The following MARK3 variants were observed in gnomAD, a reference collection of about 807,000 sequenced individuals.
The protein encoded by MARK3 is microtubule affinity regulating kinase 3.
A neutral mutation model predicts 90.1 loss-of-function variants in MARK3; 46 were observed. That is an observed-to-expected ratio of 0.51 (90% CI 0.40 to 0.65). MARK3 has a LOEUF of 0.65. Ranked by LOEUF, MARK3 falls within the 30% of genes least tolerant of loss-of-function variation. The probability of loss-of-function intolerance (pLI) is 0.00; values close to 1 mark genes in which losing one functional copy is unlikely to be tolerated. For missense variants in MARK3, 818 were observed against 947.2 expected (o/e 0.86, Z 1.79); for synonymous variants, 321 against 332.6 (o/e 0.97, Z 0.38).
At chr14:103,397,783 G>C (rs1379216674) in intron 1 of MARK3, among the ~76,000 whole-genome samples, 1 of 152,012 alleles carries the variant, frequency 6.6e-6, no homozygotes, top group Non-Finnish European at 1.5e-5. Flanking sequence ...ATATTTATGG[G>C]ACAATAACAG....
chr14:103,461,614 G>A (rs976774440), intron 6 of MARK3, among the ~76,000 whole-genome samples: 2 of 152,200 alleles, frequency 1.3e-5, no homozygotes, highest in African/African-American at 4.8e-5. Context: ...ACATCAGTTA[G>A]AAGGAAGACT....
chr14:103,458,618 G>C, intron 6 of MARK3: 1 of 545,098 alleles, frequency 1.8e-6, no homozygotes, highest in Non-Finnish European at 3.3e-6. Flanking sequence ...AAGGAGCAGT[G>C]CTTCACTGCT....
chr14:103,457,441 T>TAACCTTCCCTTTTTACAACTG (rs1264336140), intron 6 of MARK3, among the ~76,000 whole-genome samples: 2 of 152,216 alleles, frequency 1.3e-5, no homozygotes, highest in Non-Finnish European at 2.9e-5. Context: ...GTCTTATACT[T>TAACCTTCCCTTTTTACAACTG]AACCTTCCCT....
intron 5 of MARK3, among the ~76,000 whole-genome samples, chr14:103,453,151 C>T (rs973152210): frequency 1.3e-5 from 2 of 152,042 alleles, no homozygotes; most frequent in Non-Finnish European, 2.9e-5. Flanking sequence ...TTCTGAAATG[C>T]GTGTTTATAG....
Position 103,502,917 on chromosome 14 carries a change from A to G in MARK3, c.1952A>G (p.Lys651Arg). The G allele has an allele frequency of 1.9e-6, 3 of 1,613,216 alleles. No individual in the cohort carries two copies. Among genetic ancestry groups the G allele is most frequent in the Non-Finnish European group, 2.5e-6 (3 of 1,179,266 alleles). Residue 651 changes from lysine to arginine, a missense_variant, in exon 18 of 18, where the codon AAA (lysine) becomes AGA (arginine). By Grantham distance (26) the Lys-to-Arg change is conservative. This residue lies in a region of MARK3 where 560 missense variants were observed against 613.5 expected (regional missense o/e 0.91). Coordinates refer to ENST00000429436, the MANE Select transcript of MARK3 (RefSeq NM_001128918.3). ...NVSAEQKDEN[K>R]EAKPRSLRFT... The stretch of plus-strand genomic sequence containing the variant: ...TCTGCTGAGCAAAAAGATGAAAACA[A>G]AGAAGCAAAGCCTCGATCCCTACGC...
At chr14:103,502,764 A>G in intron 17 of MARK3, 118 bp from the exon 18 acceptor site, 2 of 745,730 alleles carry the variant, frequency 2.7e-6, no homozygotes, top group Non-Finnish European at 4.3e-6. Context: ...TGTGCAGGAA[A>G]ATGTGGAGGT....
chr14:103,437,266 T>C (rs2092738011), intron 3 of MARK3, among the ~76,000 whole-genome samples: 1 of 152,112 alleles, frequency 6.6e-6, no homozygotes, highest in Admixed American at 6.6e-5. Context: ...CGGGTTGATA[T>C]TTAGAATACA....
chr14:103,418,314 G>A (rs62007681), intron 2 of MARK3, among the ~76,000 whole-genome samples: 38,406 of 142,264 alleles, frequency 0.27, 6,119 homozygotes, highest in Middle Eastern at 0.46. Context: ...TCTTGTTACC[G>A]CTCTTTCATA....
chr14:103,404,979 A>T, intron 1 of MARK3, 97 bp from the exon 2 acceptor site: 1 of 803,470 alleles, frequency 1.2e-6, no homozygotes, highest in Non-Finnish European at 1.9e-6. Context: ...GATTAAAATT[A>T]AAGTAGGAAT....
At position 103,477,468 on chromosome 14, in the gene MARK3, G is replaced by A. The variant is rs146959409; in HGVS notation, c.1482+2258G>A. Among the ~76,000 whole-genome samples, 154 of 151,920 alleles carry A rather than the reference G, an allele frequency of 1.0e-3. 4 individuals are homozygous for A. The East Asian group carries it at 0.026, about 25-fold the overall frequency. On this transcript the variant is annotated intron_variant, in intron 13 of 17. Coordinates refer to ENST00000429436, the MANE Select transcript of MARK3 (RefSeq NM_001128918.3). ...GATTGTGTCATTGCACTCCAGCCTGGGTAACAGAGCGAGACTCCATCTCAA... is the reference window on the plus strand; with the variant it reads ...GATTGTGTCATTGCACTCCAGCCTGAGTAACAGAGCGAGACTCCATCTCAA...
In MARK3 at chr14:103,503,225, T is replaced by C; in HGVS notation, c.2260T>C (p.Ter754GlnextTer8). The change falls in exon 18 of 18, where the codon TAA becomes CAA. Residue 754 changes from the stop codon to glutamine, a stop_lost. Transcript: ENST00000429436. ...ASKIANELKL[*>Q] is the part of the protein sequence containing the mutation. ...CAAAATTGCCAATGAGCTAAAGCTGTAACCCAGTGATTATGATGTAAATTA... is the reference window on the plus strand; with the variant it reads ...CAAAATTGCCAATGAGCTAAAGCTGCAACCCAGTGATTATGATGTAAATTA... 1 of 1,602,768 alleles carries C rather than the reference T, an allele frequency of 6.2e-7. No individual in the cohort carries two copies. The highest frequency in any genetic ancestry group is 8.5e-7 in the Non-Finnish European group (1 of 1,171,324).
At chr14:103,498,717 G>C (rs1012048568) in intron 16 of MARK3, 189 bp downstream of exon 16, 1 of 413,908 alleles carries the variant, frequency 2.4e-6, no homozygotes, top group Non-Finnish European at 3.9e-6. Flanking sequence ...ATTTTAAAGG[G>C]ACTATGGTAC....
At chr14:103,401,387 G>A (rs1408662275) in intron 1 of MARK3, among the ~76,000 whole-genome samples, 1 of 152,130 alleles carries the variant, frequency 6.6e-6, no homozygotes, top group Non-Finnish European at 1.5e-5. Flanking sequence ...GCGTGTTTTA[G>A]GTTAGGCTGT....
At chr14:103,457,051 T>C (rs1360890809) in intron 5 of MARK3, 91 bp from the exon 6 acceptor site, 4 of 725,864 alleles carry the variant, frequency 5.5e-6, no homozygotes, top group Non-Finnish European at 9.3e-6. Flanking sequence ...ATTTAAAAAT[T>C]AGAGCATTGC....
At chr14:103,403,080 G>A (rs2091060820) in intron 1 of MARK3, among the ~76,000 whole-genome samples, 1 of 143,552 alleles carries the variant, frequency 7.0e-6, no homozygotes, top group African/African-American at 2.6e-5. Context: ...ATTTAGTTGA[G>A]TACGAATAGG....
chr14:103,470,549 G>A (rs796118121), intron 12 of MARK3, among the ~76,000 whole-genome samples: 1 of 132,736 alleles, frequency 7.5e-6, no homozygotes, highest in African/African-American at 2.8e-5. Context: ...TCCGCCTCCT[G>A]GGTTCTAGCA....
chr14:103,487,958 G>T (rs914429007), intron 14 of MARK3, among the ~76,000 whole-genome samples: 3 of 151,930 alleles, frequency 2.0e-5, no homozygotes, highest in African/African-American at 4.8e-5. Flanking sequence ...TGAGGCAGGA[G>T]AATGGCGTGA....
rs778609188 is a variant in MARK3 at position 103,457,174 on chromosome 14, A to C, written c.445A>C (p.Arg149=). 1 of 1,611,020 alleles carries C rather than the reference A, an allele frequency of 6.2e-7. No homozygotes were observed. The highest frequency in any genetic ancestry group is 1.1e-5 in the South Asian group (1 of 90,972). Residue 149 remains arginine (R), a synonymous_variant, in exon 6 of 18, where the codon AGG becomes CGG. Transcript: ENST00000429436. The part of the protein sequence containing the change: ...EVFDYLVAHG[R]MKEKEARSKF... Reference sequence around the variant, plus strand: ...ATTTGACTATTTGGTTGCACATGGCAGGATGAAGGAAAAAGAAGCAAGATC... The same window carrying C: ...ATTTGACTATTTGGTTGCACATGGCCGGATGAAGGAAAAAGAAGCAAGATC...
chr14:103,443,650 G>C (rs1043759586), intron 3 of MARK3, among the ~76,000 whole-genome samples: 15 of 152,144 alleles, frequency 9.9e-5, no homozygotes, highest in South Asian at 6.2e-4. Flanking sequence ...GGAAGGGGTC[G>C]TCTTTAAAAT....
Sources: allele counts gnomAD v4.1 joint callset (sites outside exome capture counted in the v4.1 genomes callset), GRCh38; gene constraint gnomAD v4.1.1; regional missense constraint gnomAD v4.1.1; transcripts MANE v1.5; gene names NCBI Gene and HGNC (gene_info 2026-07-23, HGNC 2026-07-21).